RBPJ: variants seen among roughly 807,000 people sequenced by gnomAD.
The protein encoded by RBPJ is recombination signal binding protein for immunoglobulin kappa J region.
A neutral mutation model predicts 67.8 loss-of-function variants in RBPJ; 9 were observed. That is an observed-to-expected ratio of 0.13 (90% CI 0.08 to 0.23). The LOEUF (loss-of-function observed/expected upper bound fraction) is 0.23. RBPJ is among the 10% of genes least tolerant of loss of function. The pLI, the probability that RBPJ is intolerant of heterozygous loss-of-function variation, is 1.00. For synonymous variants in RBPJ, 198 were observed against 203.3 expected (o/e 0.97, Z 0.22); for missense variants, 305 against 595.6 (o/e 0.51, Z 5.08).
At chr4:26,311,950 G>T (rs931296170) in intron 1 of RBPJ, among the ~76,000 whole-genome samples, 1 of 151,804 alleles carries the variant, frequency 6.6e-6, no homozygotes. Flanking sequence ...AAATCTTAAA[G>T]CTCAGTTCAT....
At chr4:26,116,477 G>A in the RBPJ span, among the ~76,000 whole-genome samples, 17 of 152,274 alleles carry the variant, frequency 1.1e-4, no homozygotes, top group African/African-American at 4.1e-4. Context: ...CAGAAACCTT[G>A]ACTTTCTCCA....
At chr4:26,354,654 T>TGG in intron 1 of RBPJ, among the ~76,000 whole-genome samples, 1 of 152,048 alleles carries the variant, frequency 6.6e-6, no homozygotes, top group East Asian at 1.9e-4. Context: ...TTCTCCGTGT[T>TGG]GGCCAGGCTG....
At chr4:26,144,686 C>T in the RBPJ span, among the ~76,000 whole-genome samples, 696 of 152,314 alleles carry the variant, frequency 4.6e-3, 14 homozygotes, top group African/African-American at 0.016. Context: ...ACCCACACCC[C>T]AGTAGCTGAT....
chr4:26,267,354 G>C (rs950574797), intron 1 of RBPJ, among the ~76,000 whole-genome samples: 1 of 152,104 alleles, frequency 6.6e-6, no homozygotes, highest in Non-Finnish European at 1.5e-5. Context: ...ATTTGCCATG[G>C]ATGCTGCCCA....
At chr4:26,176,786 G>A (rs1475120533) in intron 1 of RBPJ, among the ~76,000 whole-genome samples, 2 of 152,234 alleles carry the variant, frequency 1.3e-5, no homozygotes, top group African/African-American at 2.4e-5. Flanking sequence ...GCTGGCCCAA[G>A]GCCTAAGCCA....
chr4:26,243,052 C>A lies in RBPJ; in HGVS notation c.-167+79438C>A, dbSNP rs530622372. The stretch of plus-strand genomic sequence containing the variant: ...GACCAGCCTGACCAACATGGAGAAA[C>A]CCCGTCTCTACTAAAAATACAAAAA... On this transcript the variant is annotated intron_variant, in intron 1 of 4. Coordinates refer to the RBPJ transcript ENST00000512351. Among the ~76,000 whole-genome samples the A allele has an allele frequency of 2.0e-5, 3 of 152,160 alleles. No homozygotes were observed. In the East Asian group the frequency reaches 5.8e-4, roughly 29 times the overall value.
chr4:26,342,280 A>AAAG (rs1725618469), intron 1 of RBPJ, among the ~76,000 whole-genome samples: 2 of 151,904 alleles, frequency 1.3e-5, no homozygotes, highest in Admixed American at 6.6e-5. Context: ...AAAAAAAAAA[A>AAAG]AAAGGGAATG....
intron 1 of RBPJ, among the ~76,000 whole-genome samples, chr4:26,364,801 A>AT (rs1728458371): frequency 6.6e-6 from 1 of 150,820 alleles, no homozygotes; most frequent in Non-Finnish European, 1.5e-5. Flanking sequence ...AATTTTTTGT[A>AT]TTTTTAGTAG....
rs757127437 is a variant in RBPJ at position 26,270,437 on chromosome 4, G to GAAAAGA, written c.-166-92007_-166-92006insAAGAAA. Among the ~76,000 whole-genome samples the GAAAAGA allele has an allele frequency of 4.3e-4, 13 of 30,200 alleles. 2 individuals are homozygous for GAAAAGA. The highest frequency in any genetic ancestry group is 9.1e-4 in the African/African-American group (13 of 14,338). The allele number at this position is 30,200 out of a possible 152,430, so 19.8% of individuals were successfully genotyped here. The stretch of plus-strand genomic sequence containing the variant: ...AGAAAGAAAGAAAGAAAGAAAGAAA[G>GAAAAGA]AAGAAAGAAAGAAAGAAAGAAAAGA... On this transcript the variant is annotated intron_variant, in intron 1 of 4. Transcript: ENST00000512351.
intron 1 of RBPJ, among the ~76,000 whole-genome samples, chr4:26,306,884 A>G (rs1253369857): frequency 6.6e-6 from 1 of 151,990 alleles, no homozygotes; most frequent in Non-Finnish European, 1.5e-5. Context: ...AAATATATTA[A>G]CTATTTAAAA....
At chr4:26,336,322 T>A (rs1245910206) in intron 1 of RBPJ, among the ~76,000 whole-genome samples, 3 of 152,158 alleles carry the variant, frequency 2.0e-5, no homozygotes, top group African/African-American at 7.2e-5. Flanking sequence ...ACTATTTCTA[T>A]GAAAGATTAT....
chr4:26,115,682 T>C, the RBPJ span, among the ~76,000 whole-genome samples: 2 of 152,186 alleles, frequency 1.3e-5, no homozygotes, highest in African/African-American at 4.8e-5. Flanking sequence ...AGTGAGATAT[T>C]ATTTCACAAG....
chr4:26,327,377 G>A (rs1446286894), intron 1 of RBPJ, among the ~76,000 whole-genome samples: 1 of 152,060 alleles, frequency 6.6e-6, no homozygotes, highest in Non-Finnish European at 1.5e-5. Context: ...TATTGGTGAA[G>A]TTTACGGCAA....
intron 1 of RBPJ, among the ~76,000 whole-genome samples, chr4:26,260,355 A>C (rs1720485731): frequency 6.6e-6 from 1 of 152,234 alleles, no homozygotes; most frequent in Non-Finnish European, 1.5e-5. Flanking sequence ...ATAAAGGGTC[A>C]CTACTAACTA....
chr4:26,210,162 C>T (rs1302320174), intron 1 of RBPJ, among the ~76,000 whole-genome samples: 1 of 152,114 alleles, frequency 6.6e-6, no homozygotes, highest in Non-Finnish European at 1.5e-5. Flanking sequence ...AAACCACAAT[C>T]GTTTTAGGGG....
chr4:26,334,696 C>G (rs574589866), intron 1 of RBPJ, among the ~76,000 whole-genome samples: 1 of 152,144 alleles, frequency 6.6e-6, no homozygotes, highest in Non-Finnish European at 1.5e-5. Context: ...ATTTTCACCC[C>G]AGGCCATCAG....
intron 5 of RBPJ, among the ~76,000 whole-genome samples, chr4:26,420,997 G>T (rs1394866129): frequency 6.6e-6 from 1 of 152,140 alleles, no homozygotes; most frequent in African/African-American, 2.4e-5. Flanking sequence ...ACTGGAGGGG[G>T]TGATGTTGGC....
intron 1 of RBPJ, among the ~76,000 whole-genome samples, chr4:26,225,089 A>T (rs1489028686): frequency 1.3e-5 from 2 of 152,252 alleles, no homozygotes; most frequent in Non-Finnish European, 2.9e-5. Flanking sequence ...AGATTTCCTG[A>T]TATAAAATGT....
intron 1 of RBPJ, among the ~76,000 whole-genome samples, chr4:26,378,217 G>A (rs1204632175): frequency 6.6e-6 from 1 of 152,172 alleles, no homozygotes; most frequent in Non-Finnish European, 1.5e-5. Context: ...AATAGAGTAT[G>A]AGAGAAGTGA....
Sources: allele counts gnomAD v4.1 joint callset (sites outside exome capture counted in the v4.1 genomes callset), GRCh38; gene constraint gnomAD v4.1.1; transcripts MANE v1.5; gene names NCBI Gene and HGNC (gene_info 2026-07-23, HGNC 2026-07-21).